The following STARD13 variants were observed in gnomAD, a reference collection of about 807,000 sequenced individuals.
The protein encoded by STARD13 is StAR related lipid transfer domain containing 13.
STARD13 carries 62 observed loss-of-function variants against 106.4 expected under a neutral mutation model. That is an observed-to-expected ratio of 0.58 (90% CI 0.48 to 0.72). The LOEUF is 0.72. Among genes scored for constraint, STARD13 ranks in the 30% least tolerant of loss-of-function variants. STARD13 has a pLI of 0.00. For synonymous variants in STARD13, 565 were observed against 553.0 expected (o/e 1.02, Z -0.31); for missense variants, 1,387 against 1,424.0 (o/e 0.97, Z 0.42).
intron 1 of STARD13, among the ~76,000 whole-genome samples, chr13:33,177,498 G>A (rs1884638333): frequency 6.6e-6 from 1 of 152,150 alleles, no homozygotes; most frequent in Non-Finnish European, 1.5e-5. Flanking sequence ...CTGGCATACT[G>A]CAAGGCTGGC....
chr13:33,202,765 C>G (rs1887133956), intron 1 of STARD13, among the ~76,000 whole-genome samples: 1 of 152,092 alleles, frequency 6.6e-6, no homozygotes, highest in Non-Finnish European at 1.5e-5. Context: ...AGGGACAGAA[C>G]TGGGCAGAGC....
chr13:33,220,502 C>T (rs1232216893), intron 1 of STARD13, among the ~76,000 whole-genome samples: 1 of 151,950 alleles, frequency 6.6e-6, no homozygotes, highest in Non-Finnish European at 1.5e-5. Flanking sequence ...ACCAGCCTGG[C>T]CAACATAGTG....
chr13:33,150,625 A>G (rs1470338347), intron 3 of STARD13, among the ~76,000 whole-genome samples: 1 of 152,192 alleles, frequency 6.6e-6, no homozygotes, highest in African/African-American at 2.4e-5. Context: ...TACTTTCTCC[A>G]TGGGAAGAGA....
At chr13:33,308,261 G>A (rs1450798309) in intron 1 of STARD13, among the ~76,000 whole-genome samples, 3 of 150,680 alleles carry the variant, frequency 2.0e-5, no homozygotes, top group Non-Finnish European at 1.5e-5. Context: ...TAACTAAAAT[G>A]TTCCTTTGCA....
intron 1 of STARD13, among the ~76,000 whole-genome samples, chr13:33,303,315 C>A (rs1240900371): frequency 6.6e-6 from 1 of 152,190 alleles, no homozygotes; most frequent in Non-Finnish European, 1.5e-5. Context: ...TTGATCCAGC[C>A]TAGTGTCTCC....
chr13:33,600,189 A>G, the STARD13 span, among the ~76,000 whole-genome samples: 345 of 152,324 alleles, frequency 2.3e-3, no homozygotes, highest in Non-Finnish European at 3.7e-3. Flanking sequence ...ACTGATCTGG[A>G]TTCAAAAAAA....
At chr13:33,207,333 T>C (rs1887474468) in intron 1 of STARD13, among the ~76,000 whole-genome samples, 2 of 152,236 alleles carry the variant, frequency 1.3e-5, no homozygotes, top group East Asian at 1.9e-4. Flanking sequence ...AGAACTGGCA[T>C]CTGCCATTAG....
chr13:33,611,836 A>G, the STARD13 span, among the ~76,000 whole-genome samples: 2 of 152,224 alleles, frequency 1.3e-5, no homozygotes, highest in Non-Finnish European at 2.9e-5. Flanking sequence ...TAAGTTGGAA[A>G]TGGACAGGGC....
chr13:33,284,339 T>C lies in STARD13; in HGVS notation c.169+1131A>G, dbSNP rs1462008339. The stretch of plus-strand genomic sequence containing the variant: ...ATACATATTGTTCTTTCTGGAAACA[T>C]TACAATAAGATTTTCATGATTACAA... On this transcript the variant is annotated intron_variant, in intron 1 of 13. Coordinates refer to ENST00000336934, the MANE Select transcript of STARD13 (RefSeq NM_178006.4). Among the ~76,000 whole-genome samples the C allele has an allele frequency of 3.9e-5, 6 of 152,166 alleles. No individual in the cohort carries two copies. The East Asian group carries it at 1.2e-3, about 29-fold the overall frequency.
the STARD13 span, among the ~76,000 whole-genome samples, chr13:33,377,126 TTTG>T: frequency 2.6e-5 from 4 of 152,338 alleles, no homozygotes; most frequent in South Asian, 4.1e-4. Flanking sequence ...AAACAATCAT[TTTG>T]TTGTTATTGC....
chr13:33,469,867 A>G, the STARD13 span, among the ~76,000 whole-genome samples: 1 of 152,068 alleles, frequency 6.6e-6, no homozygotes, highest in South Asian at 2.1e-4. Flanking sequence ...TTCATGAGAC[A>G]TGAGCTGTAC....
At chr13:33,518,803 A>G in the STARD13 span, among the ~76,000 whole-genome samples, 1 of 152,222 alleles carries the variant, frequency 6.6e-6, no homozygotes, top group East Asian at 1.9e-4. Flanking sequence ...GCATACCTTG[A>G]TGGAGACTTT....
the STARD13 span, among the ~76,000 whole-genome samples, chr13:33,668,801 G>A: frequency 6.6e-6 from 1 of 152,178 alleles, no homozygotes; most frequent in South Asian, 2.1e-4. Context: ...AAGATCACAT[G>A]CTATTTTACA....
At chr13:33,309,895 C>A (rs1322758704) in intron 1 of STARD13, among the ~76,000 whole-genome samples, 1 of 152,136 alleles carries the variant, frequency 6.6e-6, no homozygotes, top group Non-Finnish European at 1.5e-5. Flanking sequence ...CCCACCTGTT[C>A]CTGTGTGTTT....
chr13:33,624,125 C>T, the STARD13 span, among the ~76,000 whole-genome samples: 3 of 152,136 alleles, frequency 2.0e-5, no homozygotes, highest in African/African-American at 7.2e-5. Context: ...GTATGTACGC[C>T]TACAAAAAGG....
At position 33,196,806 on chromosome 13, in the gene STARD13, A is replaced by T. The variant is rs147929189; in HGVS notation, c.170-29184T>A. ...CTTACTCCTAGTACTGGCCCTGTTA[A>T]CAGTCACTTCTACAAGGCAGCAATA... On this transcript the variant is annotated intron_variant, in intron 1 of 13. Coordinates refer to ENST00000336934, the MANE Select transcript of STARD13 (RefSeq NM_178006.4). Among the ~76,000 whole-genome samples, 1,188 of 152,318 alleles carry T rather than the reference A, an allele frequency of 7.8e-3. 15 individuals carry two copies. The highest frequency in any genetic ancestry group is 0.028 in the African/African-American group (1,154 of 41,564).
At chr13:33,343,584 A>AAAAAAAAC (rs1555264005) in intron 1 of STARD13, among the ~76,000 whole-genome samples, 4 of 94,138 alleles carry the variant, frequency 4.2e-5, no homozygotes, top group African/African-American at 2.0e-4. Context: ...TCTTAAAAAA[A>AAAAAAAAC]AAAAAAAAAA....
At chr13:33,114,992 A>C (rs987576585) in intron 8 of STARD13, among the ~76,000 whole-genome samples, 5 of 152,014 alleles carry the variant, frequency 3.3e-5, no homozygotes, top group African/African-American at 1.2e-4. Context: ...AAGTGTGGAT[A>C]ATTTGCAATC....
intron 1 of STARD13, among the ~76,000 whole-genome samples, chr13:33,323,780 C>T (rs1329238228): frequency 1.3e-5 from 2 of 152,140 alleles, no homozygotes; most frequent in African/African-American, 4.8e-5. Context: ...CACTTGGCTC[C>T]ACAAAATGGC....
Sources: gnomAD v4.1 joint callset for allele counts (sites outside exome capture counted in the v4.1 genomes callset) on GRCh38, gnomAD v4.1.1 for gene constraint, MANE v1.5 for transcripts, NCBI Gene and HGNC (gene_info 2026-07-23, HGNC 2026-07-21) for gene names.